The following FXN variants were observed in gnomAD, a reference collection of about 807,000 sequenced individuals.
FXN encodes the protein frataxin, also known as frataxin, mitochondrial.
Under a neutral mutation model 22.4 loss-of-function variants are expected in FXN, and 14 were observed. That is an observed-to-expected ratio of 0.62 (90% CI 0.41 to 0.98). FXN has a LOEUF of 0.98. FXN is among the 50% of genes least tolerant of loss of function. The pLI is 0.00. For synonymous variants in FXN, 120 were observed against 114.1 expected, an observed-to-expected ratio of 1.05 and a Z score of -0.33; for missense variants, 267 against 268.4, an observed-to-expected ratio of 0.99 and a Z score of 0.04.
Position 69,073,114 on chromosome 9 carries a change from A to G in FXN, c.*352A>G. ...CCAGGAGGGAAAATGAATTGTCTTCACTCTTCATTCTTTGAAGGATTTACT... is the reference window on the plus strand; with the variant it reads ...CCAGGAGGGAAAATGAATTGTCTTCGCTCTTCATTCTTTGAAGGATTTACT... On this transcript the variant is annotated 3_prime_UTR_variant, in exon 5 of 5. Transcript: ENST00000484259. The G allele has an allele frequency of 3.5e-6, 4 of 1,151,618 alleles. No homozygotes were observed. Among genetic ancestry groups the G allele is most frequent in the Middle Eastern group, 3.9e-4 (1 of 2,582 alleles). The allele number at this position is 1,151,618 out of a possible 1,614,324, so 71.3% of individuals were successfully genotyped here. A position where few individuals can be genotyped will look rare whatever the true frequency, so the allele number is the denominator to read the frequency against.
At position 69,043,195 on chromosome 9, in the gene FXN, G is replaced by C. The variant is rs554252722; in HGVS notation, c.166-3190G>C. Among the ~76,000 whole-genome samples, 3 of 152,258 alleles carry C rather than the reference G, an allele frequency of 2.0e-5. No homozygotes were observed. The South Asian group carries it at 6.2e-4, about 32-fold the overall frequency. ...AGTGCTGCCCTGCCTTCTTATTTCA[G>C]CTGTCATAGTGTAAACTGTGTCCTT... On this transcript the variant is annotated intron_variant, in intron 1 of 4. Transcript: ENST00000484259.
Position 69,074,477 on chromosome 9 carries a change from T to C in FXN, c.*1715T>C. On this transcript the variant is annotated 3_prime_UTR_variant, in exon 5 of 5. Transcript: ENST00000484259. ...TGACCCCAGGCGGAGGAGGTTACAG[T>C]GAGTCGAGATCGTACCTGAGCGACA... 1.0e-6 allele frequency: 1 copy of C among 979,234 alleles called. No homozygotes were observed. The highest frequency in any genetic ancestry group is 1.2e-6 in the Non-Finnish European group (1 of 826,074). The allele number at this position is 979,234 out of a possible 1,614,324, so 60.7% of individuals were successfully genotyped here. A position where few individuals can be genotyped will look rare whatever the true frequency, so the allele number is the denominator to read the frequency against.
chr9:69,046,901 T>C (rs1831766106), intron 2 of FXN, among the ~76,000 whole-genome samples: 1 of 152,204 alleles, frequency 6.6e-6, no homozygotes, highest in African/African-American at 2.4e-5. Flanking sequence ...TATCTGTCAG[T>C]GCCTTACTGT....
intron 1 of FXN, among the ~76,000 whole-genome samples, chr9:69,039,427 C>G (rs1158088260): frequency 6.6e-6 from 1 of 152,204 alleles, no homozygotes; most frequent in East Asian, 1.9e-4. Flanking sequence ...AGTACCTGAT[C>G]ATTGGTTCTC....
chr9:69,047,348 CAG>C (rs1348387296), intron 2 of FXN, among the ~76,000 whole-genome samples: 6 of 144,040 alleles, frequency 4.2e-5, no homozygotes, highest in African/African-American at 1.6e-4. Flanking sequence ...CACACACACA[CAG>C]ACACACACAC....
chr9:69,049,103 C>T (rs1831808722), intron 2 of FXN, among the ~76,000 whole-genome samples: 1 of 152,148 alleles, frequency 6.6e-6, no homozygotes, highest in South Asian at 2.1e-4. Flanking sequence ...CCTCTGGCCT[C>T]TGGGAAGCAC....
At chr9:69,042,955 T>G (rs1469466931) in intron 1 of FXN, among the ~76,000 whole-genome samples, 1 of 152,238 alleles carries the variant, frequency 6.6e-6, no homozygotes, top group Non-Finnish European at 1.5e-5. Context: ...TGTAGGCAAG[T>G]TACCCTTTGG....
chr9:69,057,076 A>G lies in FXN; in HGVS notation c.384+3816A>G, dbSNP rs541336843. Among the ~76,000 whole-genome samples, 9 of 152,224 alleles carry G rather than the reference A, an allele frequency of 5.9e-5. 1 individual carries two copies. In the East Asian group the frequency reaches 1.5e-3, roughly 26 times the overall value. ...TGAGCCACCATGCATGGCCTGAAAT[A>G]ATTTTTTTGAAAGGGCTAGTTTCTA... On this transcript the variant is annotated intron_variant, in intron 3 of 4. Transcript: ENST00000484259.
intron 2 of FXN, among the ~76,000 whole-genome samples, chr9:69,047,159 C>G (rs1831770111): frequency 6.6e-6 from 1 of 152,188 alleles, no homozygotes; most frequent in South Asian, 2.1e-4. Context: ...CCCTGCCAAC[C>G]AGTATCTGCA....
At chr9:69,049,628 TATA>T (rs1831817650) in intron 2 of FXN, among the ~76,000 whole-genome samples, 1 of 152,200 alleles carries the variant, frequency 6.6e-6, no homozygotes, top group African/African-American at 2.4e-5. Context: ...GGATGTTTAT[TATA>T]ATAATATTTT....
At chr9:69,069,480 C>G (rs560613065) in intron 4 of FXN, among the ~76,000 whole-genome samples, 1 of 152,318 alleles carries the variant, frequency 6.6e-6, no homozygotes, top group South Asian at 2.1e-4. Flanking sequence ...TCCACTCCCC[C>G]AAGACATTGC....
chr9:69,065,623 CAGT>C (rs747928085), intron 4 of FXN, among the ~76,000 whole-genome samples: 3 of 151,826 alleles, frequency 2.0e-5, no homozygotes, highest in Non-Finnish European at 4.4e-5. Context: ...GTCTCATTCT[CAGT>C]AGAAAAGTTT....
chr9:69,078,858 A>C lies in FXN; in HGVS notation c.*6096A>C. 1.0e-6 allele frequency: 1 copy of C among 985,780 alleles called. No individual in the cohort carries two copies. Among genetic ancestry groups the C allele is most frequent in the Non-Finnish European group, 1.2e-6 (1 of 830,262 alleles). The allele number at this position is 985,780 out of a possible 1,614,324, so 61.1% of individuals were successfully genotyped here. A position where few individuals can be genotyped will look rare whatever the true frequency, so the allele number is the denominator to read the frequency against. ...CCCTTGATTGTTCCATGTCCTCAGC[A>C]TACCATGTTTGTCTTTCCCAGCACT... On this transcript the variant is annotated 3_prime_UTR_variant, in exon 5 of 5. Transcript: ENST00000484259.
intron 3 of FXN, among the ~76,000 whole-genome samples, chr9:69,056,070 G>A (rs916876500): frequency 1.3e-5 from 2 of 151,834 alleles, no homozygotes; most frequent in African/African-American, 4.8e-5. Flanking sequence ...TTTATTTATG[G>A]GTCTCGCTAT....
In FXN at chr9:69,075,868, C is replaced by G. The variant is rs1832357310; in HGVS notation, c.*3106C>G. ...CACAGGTGTGCACCTCCATAGCTGG[C>G]TAATTTGTGTATTTTTTGTAGAGAT... On this transcript the variant is annotated 3_prime_UTR_variant, in exon 5 of 5. Transcript: ENST00000484259. 1 of 552,072 alleles carries G rather than the reference C, an allele frequency of 1.8e-6. No individual in the cohort carries two copies. Among genetic ancestry groups the G allele is most frequent in the Admixed American group, 6.4e-5 (1 of 15,708 alleles). The allele number at this position is 552,072 out of a possible 1,614,324, so 34.2% of individuals were successfully genotyped here.
intron 2 of FXN, among the ~76,000 whole-genome samples, chr9:69,049,919 A>T (rs148652249): frequency 6.6e-5 from 10 of 152,324 alleles, no homozygotes; most frequent in Non-Finnish European, 1.5e-4. Flanking sequence ...ACAAGCATAC[A>T]GCTTGATGAA....
chr9:69,068,574 G>A (rs72724254), intron 4 of FXN, among the ~76,000 whole-genome samples: 2,684 of 152,334 alleles, frequency 0.018, 34 homozygotes, highest in Non-Finnish European at 0.03. Flanking sequence ...TCCTGTGGGC[G>A]GCAGTGCTAG....
intron 4 of FXN, among the ~76,000 whole-genome samples, chr9:69,066,944 C>T (rs1384675594): frequency 1.3e-5 from 2 of 152,074 alleles, no homozygotes; most frequent in African/African-American, 2.4e-5. Context: ...CCAGAGCAGG[C>T]CACACCCAGA....
chr9:69,062,793 G>T (rs1458237462), intron 3 of FXN, among the ~76,000 whole-genome samples: 2 of 151,944 alleles, frequency 1.3e-5, no homozygotes, highest in African/African-American at 4.8e-5. Context: ...AAGTTCTAGA[G>T]TTATGCTGCC....
Sources: gnomAD v4.1 joint callset for allele counts (sites outside exome capture counted in the v4.1 genomes callset) on GRCh38, gnomAD v4.1.1 for gene constraint, MANE v1.5 for transcripts, NCBI Gene and HGNC (gene_info 2026-07-23, HGNC 2026-07-21) for gene names.